Variants in BRCC3 observed in about 807,000 individuals in gnomAD.
The protein encoded by BRCC3 is BRCA1/BRCA2-containing complex subunit 3.
In BRCC3, 15 loss-of-function variants were observed where a neutral mutation model predicts 28.0. That is an observed-to-expected ratio of 0.54 (90% CI 0.36 to 0.82). BRCC3 has a LOEUF of 0.82. Ranked by LOEUF, BRCC3 falls within the 40% of genes least tolerant of loss-of-function variation. BRCC3 has a pLI of 0.01. For missense variants in BRCC3, 109 were observed against 225.9 expected (o/e 0.48, Z 3.32); for synonymous variants, 66 against 80.3 (o/e 0.82, Z 0.95).
At chrX:155,089,463 G>A in intron 6 of BRCC3, 112 bp downstream of exon 6, 2 of 467,320 alleles carry the variant, frequency 4.3e-6, no homozygotes, top group Admixed American at 7.9e-5. Flanking sequence ...GGTCAGGAAA[G>A]GTTTCAAGGA....
At chrX:155,093,409 A>G (rs2074187249) in intron 7 of BRCC3, among the ~76,000 whole-genome samples, 1 of 109,673 alleles carries the variant, frequency 9.1e-6, no homozygotes, top group African/African-American at 3.3e-5. Context: ...TCACTCTAAG[A>G]TGGCATCAGA....
At chrX:155,081,304 C>G (rs1480254673) in intron 5 of BRCC3, among the ~76,000 whole-genome samples, 1 of 104,172 alleles carries the variant, frequency 9.6e-6, no homozygotes, top group African/African-American at 3.6e-5. Flanking sequence ...TGCACTCCAG[C>G]CAGGGTGACA....
intron 3 of BRCC3, among the ~76,000 whole-genome samples, chrX:155,075,056 C>G (rs2074020263): frequency 1.8e-5 from 2 of 112,078 alleles, no homozygotes; most frequent in East Asian, 2.8e-4. Flanking sequence ...TTTAGTTAAC[C>G]TAAGTATCTG....
chrX:155,107,693 T>C (rs782030038), intron 7 of BRCC3, among the ~76,000 whole-genome samples: 2 of 111,922 alleles, frequency 1.8e-5, no homozygotes, highest in Non-Finnish European at 3.8e-5. Flanking sequence ...AACATTATAT[T>C]TTAATATTTT....
intron 7 of BRCC3, 40 bp from the exon 8 acceptor site, chrX:155,116,017 C>T (rs375295696): frequency 5.1e-5 from 61 of 1,185,597 alleles, no homozygotes; most frequent in Non-Finnish European, 6.6e-5. Flanking sequence ...ATTATAACAA[C>T]TCAGGGTTTA....
chrX:155,074,838 CTT>C, intron 3 of BRCC3, among the ~76,000 whole-genome samples: 1 of 111,494 alleles, frequency 9.0e-6, no homozygotes, highest in Non-Finnish European at 1.9e-5. Context: ...AAATGTGTCT[CTT>C]GTGTCTCTTA....
rs184520330 is a variant in BRCC3 at position 155,085,994 on chromosome X, G to A, written c.404-3269G>A. On this transcript the variant is annotated intron_variant, in intron 5 of 10. Coordinates refer to ENST00000330045, the MANE Select transcript of BRCC3 (RefSeq NM_001018055.3). ...CAGACAAAATGTCTGAAGCGCTCTCGATATGAGTTTTGGTAGCGGCCAGCC... is the reference window on the plus strand; with the variant it reads ...CAGACAAAATGTCTGAAGCGCTCTCAATATGAGTTTTGGTAGCGGCCAGCC... Among the ~76,000 whole-genome samples the A allele has an allele frequency of 5.4e-3, 606 of 111,651 alleles. 6 individuals are homozygous for A. The highest frequency in any genetic ancestry group is 0.019 in the African/African-American group (575 of 30,690).
At chrX:155,107,849 GCT>G (rs1227673790) in intron 7 of BRCC3, among the ~76,000 whole-genome samples, 1 of 111,386 alleles carries the variant, frequency 9.0e-6, no homozygotes, top group Non-Finnish European at 1.9e-5. Context: ...TGACCTGTGA[GCT>G]CTAGCATACT....
intron 7 of BRCC3, among the ~76,000 whole-genome samples, chrX:155,105,085 CA>C (rs1436116214): frequency 8.9e-6 from 1 of 111,756 alleles, no homozygotes; most frequent in East Asian, 2.8e-4. Flanking sequence ...TTCAAAAAGT[CA>C]AAAGTCAGAA....
chrX:155,080,968 G>A (rs782288677), intron 5 of BRCC3, among the ~76,000 whole-genome samples: 8 of 111,522 alleles, frequency 7.2e-5, no homozygotes, highest in Non-Finnish European at 1.1e-4. Flanking sequence ...TATATTGAAG[G>A]GCAGACAATA....
intron 2 of BRCC3, 144 bp downstream of exon 2, chrX:155,072,487 C>A: frequency 2.2e-6 from 1 of 459,682 alleles, no homozygotes; most frequent in Non-Finnish European, 3.8e-6. Flanking sequence ...ATGATACAAC[C>A]TTGAACTTTG....
rs952325985 is a variant in BRCC3 at position 155,106,597 on chromosome X, T to C, written c.549-9460T>C. On this transcript the variant is annotated intron_variant, in intron 7 of 10. Coordinates refer to ENST00000330045, the MANE Select transcript of BRCC3 (RefSeq NM_001018055.3). The stretch of plus-strand genomic sequence containing the variant: ...AGCATTTCTTCATTAAGAAAGATTC[T>C]GTATTCAGGAAAAATCATAAGTGCT... 3.5e-5 allele frequency among the ~76,000 whole-genome samples: 4 copies of C among 112,837 alleles called. No individual in the cohort carries two copies. The Admixed American group carries it at 3.7e-4, about 11-fold the overall frequency.
intron 7 of BRCC3, among the ~76,000 whole-genome samples, chrX:155,111,599 T>C (rs921291577): frequency 2.7e-5 from 3 of 111,592 alleles, no homozygotes; most frequent in Admixed American, 9.5e-5. Context: ...TCACCCAATA[T>C]ACAAAAATTA....
chrX:155,113,429 G>T (rs1163134724), intron 7 of BRCC3, among the ~76,000 whole-genome samples: 1 of 110,198 alleles, frequency 9.1e-6, no homozygotes, highest in South Asian at 3.9e-4. Context: ...AAATGATACT[G>T]GGAAAACTGA....
intron 8 of BRCC3, 115 bp downstream of exon 8, chrX:155,116,303 T>C: frequency 1.4e-6 from 1 of 695,611 alleles, no homozygotes; most frequent in Non-Finnish European, 2.1e-6. Flanking sequence ...TTTGCCTCTC[T>C]GGGAAGCTTT....
intron 7 of BRCC3, among the ~76,000 whole-genome samples, chrX:155,094,511 A>G (rs1557296023): frequency 9.0e-6 from 1 of 110,858 alleles, no homozygotes; most frequent in African/African-American, 3.3e-5. Flanking sequence ...GGTCCAAGAA[A>G]TCACATAAAG....
chrX:155,116,901 G>C (rs2074360325), intron 9 of BRCC3, 147 bp downstream of exon 9: 1 of 425,206 alleles, frequency 2.4e-6, no homozygotes, highest in South Asian at 4.5e-5. Context: ...TCCTGATCCT[G>C]AGCCCAACAT....
At chrX:155,075,474 A>G (rs1442623075) in intron 3 of BRCC3, among the ~76,000 whole-genome samples, 2 of 112,118 alleles carry the variant, frequency 1.8e-5, no homozygotes, top group Non-Finnish European at 3.8e-5. Context: ...GCCATATTGT[A>G]TATCTCTCAT....
At chrX:155,094,164 G>A (rs913149537) in intron 7 of BRCC3, among the ~76,000 whole-genome samples, 4 of 110,781 alleles carry the variant, frequency 3.6e-5, no homozygotes, top group South Asian at 3.8e-4. Flanking sequence ...GTCAACATGA[G>A]GCTTCACTTT....
Sources: gnomAD v4.1 joint callset for allele counts (sites outside exome capture counted in the v4.1 genomes callset) on GRCh38, gnomAD v4.1.1 for gene constraint, MANE v1.5 for transcripts, NCBI Gene and HGNC (gene_info 2026-07-23, HGNC 2026-07-21) for gene names.